CNBD1: variants seen among roughly 807,000 people sequenced by gnomAD.
CNBD1 encodes the protein cyclic nucleotide-binding domain-containing protein 1.
CNBD1 carries 71 observed loss-of-function variants against 54.4 expected under a neutral mutation model. The observed-to-expected ratio is 1.30, with a 90% CI of 1.08 to 1.59. CNBD1 has a LOEUF of 1.59. Among genes scored for constraint, CNBD1 ranks in the 40% most tolerant of loss-of-function variants. The probability of loss-of-function intolerance (pLI) is 0.00; values close to 1 mark genes in which losing one functional copy is unlikely to be tolerated. For missense variants in CNBD1, 659 were observed against 518.0 expected (o/e 1.27, Z -2.64); for synonymous variants, 182 against 170.7 (o/e 1.07, Z -0.51).
downstream of CNBD1, among the ~76,000 whole-genome samples, chr8:87,385,644 C>T (rs893422955): frequency 1.4e-4 from 21 of 152,164 alleles, 1 homozygote; most frequent in Admixed American, 7.2e-4. Flanking sequence ...TGGGGCCCAC[C>T]GCAGCACAAG....
intron 10 of CNBD1, among the ~76,000 whole-genome samples, chr8:87,366,262 T>C (rs1409903941): frequency 2.6e-5 from 4 of 152,066 alleles, no homozygotes; most frequent in Non-Finnish European, 5.9e-5. Context: ...TGTGATCTAA[T>C]TTTAGGGCTG....
chr8:87,358,262 G>C (rs946600771), intron 10 of CNBD1, among the ~76,000 whole-genome samples: 2 of 151,902 alleles, frequency 1.3e-5, no homozygotes, highest in African/African-American at 4.8e-5. Flanking sequence ...AACTCAAAAT[G>C]AAAAAAATTA....
chr8:87,395,493 G>A (rs113547956), intron 2 of CNBD1, among the ~76,000 whole-genome samples: 1 of 151,560 alleles, frequency 6.6e-6, no homozygotes, highest in African/African-American at 2.4e-5. Context: ...CTACAATAAA[G>A]GTTTTAAAAA....
intron 2 of CNBD1, among the ~76,000 whole-genome samples, chr8:87,395,383 C>A (rs927206613): frequency 1.3e-4 from 20 of 151,652 alleles, no homozygotes; most frequent in African/African-American, 4.8e-4. Flanking sequence ...GGGAAGGGAA[C>A]AATATTTGAG....
chr8:86,879,885 AAAG>A (rs1392069558), intron 1 of CNBD1, among the ~76,000 whole-genome samples: 5 of 151,586 alleles, frequency 3.3e-5, no homozygotes, highest in East Asian at 1.9e-4. Context: ...AAAAAGGAAA[AAAG>A]AAAGACGGAG....
At chr8:87,309,199 C>T (rs1809215820) in intron 8 of CNBD1, among the ~76,000 whole-genome samples, 1 of 152,092 alleles carries the variant, frequency 6.6e-6, no homozygotes, top group Non-Finnish European at 1.5e-5. Context: ...TATATTCCTA[C>T]CAACAATGTA....
At chr8:87,414,789 G>A (rs1161280066) in intron 2 of CNBD1, among the ~76,000 whole-genome samples, 1 of 98,970 alleles carries the variant, frequency 1.0e-5, no homozygotes, top group Non-Finnish European at 2.0e-5. Flanking sequence ...ATTTAAAAAG[G>A]ATTTTTTTTA....
chr8:87,264,861 T>C (rs1228451981), intron 6 of CNBD1, among the ~76,000 whole-genome samples: 1 of 152,180 alleles, frequency 6.6e-6, no homozygotes, highest in African/African-American at 2.4e-5. Flanking sequence ...GTTTTTTTCT[T>C]GTAAATTTGT....
At chr8:86,998,475 G>C (rs1238876061) in intron 4 of CNBD1, among the ~76,000 whole-genome samples, 1 of 152,122 alleles carries the variant, frequency 6.6e-6, no homozygotes, top group Admixed American at 6.6e-5. Context: ...GTTTATGAGA[G>C]CTGAAGAAGA....
intron 4 of CNBD1, among the ~76,000 whole-genome samples, chr8:87,011,689 A>G (rs983599453): frequency 2.0e-5 from 3 of 152,178 alleles, no homozygotes; most frequent in South Asian, 2.1e-4. Flanking sequence ...AACATTATAT[A>G]GAAAGAACAC....
At chr8:87,400,582 C>T (rs1807544560) in intron 2 of CNBD1, among the ~76,000 whole-genome samples, 1 of 151,862 alleles carries the variant, frequency 6.6e-6, no homozygotes, top group South Asian at 2.1e-4. Context: ...AAGGAACTAA[C>T]AAAAGAATGG....
At chr8:87,261,876 T>C (rs1808146127) in intron 6 of CNBD1, among the ~76,000 whole-genome samples, 1 of 151,914 alleles carries the variant, frequency 6.6e-6, no homozygotes, top group Non-Finnish European at 1.5e-5. Context: ...CCAGGTGCAG[T>C]GGCTCACACC....
At chr8:87,402,578 G>A (rs947724573) in intron 2 of CNBD1, among the ~76,000 whole-genome samples, 10 of 152,084 alleles carry the variant, frequency 6.6e-5, no homozygotes, top group Admixed American at 5.9e-4. Context: ...AATATCAATT[G>A]TGTGGGAGTC....
intron 4 of CNBD1, among the ~76,000 whole-genome samples, chr8:87,132,538 T>G (rs563185037): frequency 6.7e-6 from 1 of 150,286 alleles, no homozygotes; most frequent in African/African-American, 2.4e-5. Flanking sequence ...GCTGAGATTC[T>G]TAAAACTGTG....
intron 5 of CNBD1, among the ~76,000 whole-genome samples, chr8:87,213,667 G>A (rs1814149331): frequency 6.6e-6 from 1 of 151,982 alleles, no homozygotes; most frequent in South Asian, 2.1e-4. Context: ...TACAATTTAG[G>A]TGGGGACACA....
chr8:87,268,897 C>A (rs560497288), intron 6 of CNBD1, among the ~76,000 whole-genome samples: 2 of 152,082 alleles, frequency 1.3e-5, no homozygotes, highest in Non-Finnish European at 2.9e-5. Context: ...TTTATAGTTT[C>A]TTTTGTTGTG....
intron 8 of CNBD1, among the ~76,000 whole-genome samples, chr8:87,304,823 T>A (rs1485224560): frequency 1.3e-5 from 2 of 152,000 alleles, no homozygotes; most frequent in Non-Finnish European, 2.9e-5. Context: ...TGGGAAAAAG[T>A]TGAAAACATT....
intron 8 of CNBD1, among the ~76,000 whole-genome samples, chr8:87,302,703 T>C (rs2130883657): frequency 6.6e-6 from 1 of 152,082 alleles, no homozygotes; most frequent in East Asian, 1.9e-4. Flanking sequence ...ATTGTCCCTG[T>C]TTGCTGATGA....
intron 5 of CNBD1, among the ~76,000 whole-genome samples, chr8:87,216,253 A>G (rs951291477): frequency 1.3e-5 from 2 of 152,206 alleles, no homozygotes; most frequent in African/African-American, 4.8e-5. Flanking sequence ...AGAGAAATAC[A>G]AAAGAAATTT....
Sources: gnomAD v4.1 joint callset for allele counts (sites outside exome capture counted in the v4.1 genomes callset) on GRCh38, gnomAD v4.1.1 for gene constraint, MANE v1.5 for transcripts, NCBI Gene and HGNC (gene_info 2026-07-23, HGNC 2026-07-21) for gene names.